The following RNF216 variants were observed in gnomAD, a reference collection of about 807,000 sequenced individuals.
The protein encoded by RNF216 is ring finger protein 216.
RNF216 carries 72 observed loss-of-function variants against 110.8 expected under a neutral mutation model. The observed-to-expected ratio is 0.65, with a 90% CI of 0.54 to 0.79. The LOEUF (loss-of-function observed/expected upper bound fraction) is 0.79. Ranked by LOEUF, RNF216 falls within the 30% of genes least tolerant of loss-of-function variation. The pLI is 0.00. For synonymous variants in RNF216, 495 were observed against 407.5 expected, an observed-to-expected ratio of 1.21 and a Z score of -2.59; for missense variants, 1,342 against 1,141.2, an observed-to-expected ratio of 1.18 and a Z score of -2.54.
chr7:5,636,684 T>C (rs1404050200), intron 15 of RNF216, among the ~76,000 whole-genome samples: 1 of 152,186 alleles, frequency 6.6e-6, no homozygotes, highest in Non-Finnish European at 1.5e-5. Flanking sequence ...ACGGGGCTGA[T>C]CGCTGTTTTG....
At chr7:5,720,442 G>A (rs1406149459) in intron 9 of RNF216, among the ~76,000 whole-genome samples, 1 of 151,988 alleles carries the variant, frequency 6.6e-6, no homozygotes, top group Non-Finnish European at 1.5e-5. Context: ...CATACCAAAC[G>A]TGCTCATCGA....
intron 7 of RNF216, among the ~76,000 whole-genome samples, chr7:5,726,328 T>C (rs752909): frequency 1.5e-4 from 23 of 152,148 alleles, no homozygotes; most frequent in East Asian, 3.8e-4. Context: ...TAAAATCACA[T>C]GACAATGGGC....
intron 13 of RNF216, among the ~76,000 whole-genome samples, chr7:5,706,656 T>C (rs1021069581): frequency 6.6e-6 from 1 of 152,264 alleles, no homozygotes; most frequent in Admixed American, 6.5e-5. Context: ...TTGTGGCTAC[T>C]GTGAATAATG....
At chr7:5,749,177 G>A (rs987912643) in intron 3 of RNF216, among the ~76,000 whole-genome samples, 1 of 143,766 alleles carries the variant, frequency 7.0e-6, no homozygotes, top group Non-Finnish European at 1.5e-5. Context: ...TTGAGACAGG[G>A]TCTCCCTCTG....
intron 3 of RNF216, among the ~76,000 whole-genome samples, chr7:5,747,038 G>A (rs959525844): frequency 6.6e-5 from 10 of 152,200 alleles, no homozygotes; most frequent in African/African-American, 2.2e-4. Context: ...ATAAACTAAT[G>A]TAACTCCTAC....
Position 5,661,789 on chromosome 7 carries a change from T to C in RNF216, c.2062-9279A>G, listed in dbSNP as rs150718222. On this transcript the variant is annotated intron_variant, in intron 13 of 16. Coordinates refer to ENST00000389902, the MANE Select transcript of RNF216 (RefSeq NM_207111.4). ...CTACACTCCAGCCTGGGCGAGACAATGAGACTCTGCTCAAACAAAAACAAA... is the reference window on the plus strand; with the variant it reads ...CTACACTCCAGCCTGGGCGAGACAACGAGACTCTGCTCAAACAAAAACAAA... 3.9e-5 allele frequency among the ~76,000 whole-genome samples: 6 copies of C among 152,122 alleles called. No homozygotes were observed. The East Asian group carries it at 1.2e-3, about 29-fold the overall frequency.
intron 1 of RNF216, among the ~76,000 whole-genome samples, chr7:5,779,656 TAA>T (rs34915284): frequency 0.16 from 18,360 of 112,588 alleles, 1,660 homozygotes; most frequent in African/African-American, 0.27. Flanking sequence ...CTCCGTCTCT[TAA>T]AAAAAAAAAA....
rs1269871690 is a variant in RNF216, at chr7:5,683,010, C to T, written c.2061+28751G>A. On this transcript the variant is annotated intron_variant, in intron 13 of 16. Transcript: ENST00000389902. ...GTGATGGAATGACAACCTCCCATGA[C>T]GGGGTCACAAACTCCTTAAGAATGC... Among the ~76,000 whole-genome samples the T allele has an allele frequency of 2.6e-5, 4 of 152,100 alleles. No homozygotes were observed. The East Asian group carries it at 5.8e-4, about 22-fold the overall frequency.
intron 13 of RNF216, among the ~76,000 whole-genome samples, chr7:5,679,632 G>A (rs1417179258): frequency 6.6e-6 from 1 of 152,186 alleles, no homozygotes; most frequent in East Asian, 1.9e-4. Flanking sequence ...TATGACAACA[G>A]ACACAAAATC....
At chr7:5,659,860 T>G (rs1353995256) in intron 13 of RNF216, among the ~76,000 whole-genome samples, 1 of 152,194 alleles carries the variant, frequency 6.6e-6, no homozygotes, top group Non-Finnish European at 1.5e-5. Flanking sequence ...CCTGTACTTT[T>G]TTTGTTAAGA....
intron 13 of RNF216, among the ~76,000 whole-genome samples, chr7:5,697,839 G>C (rs1791723612): frequency 6.6e-6 from 1 of 152,196 alleles, no homozygotes; most frequent in African/African-American, 2.4e-5. Flanking sequence ...AGGCAAGAAG[G>C]CCTTGAAGCT....
rs746652973 is a variant in RNF216 at position 5,741,400 on chromosome 7, G to A, written c.617C>T (p.Thr206Ile). ...CTCTCCTAGATTTGATAACAGCTCT[G>A]TCTCTGAGTCTTCGGATGACTGGTT... ...TQNQSSEDSE[T>I]ELLSNLGESA... The change falls in exon 4 of 17, where the codon ACA becomes ATA. Residue 206 changes from threonine (T) to isoleucine (I), a missense_variant. Thr to Ile is a moderately conservative substitution (Grantham distance 89). Transcript: ENST00000389902. The A allele has an allele frequency of 6.2e-7, 1 of 1,614,206 alleles. No homozygotes were observed.
intron 2 of RNF216, among the ~76,000 whole-genome samples, chr7:5,755,978 A>C (rs991536970): frequency 1.1e-4 from 5 of 44,162 alleles, no homozygotes; most frequent in South Asian, 9.6e-4. Flanking sequence ...CTGTCTATAG[A>C]TTGATATGGT....
intron 15 of RNF216, among the ~76,000 whole-genome samples, chr7:5,640,162 T>C (rs868724853): frequency 6.6e-6 from 1 of 151,902 alleles, no homozygotes; most frequent in African/African-American, 2.4e-5. Flanking sequence ...CCTTCAAAAG[T>C]GCTGGCATCA....
At position 5,684,969 on chromosome 7, in the gene RNF216, G is replaced by A. The variant is rs3801007; in HGVS notation, c.2061+26792C>T. 1.9e-4 allele frequency among the ~76,000 whole-genome samples: 29 copies of A among 152,230 alleles called. No individual in the cohort carries two copies. The East Asian group carries it at 5.0e-3, about 26-fold the overall frequency. Reference sequence around the variant, plus strand: ...ACCCCACAGGCTTCAGGATGTGCAGGGGGTATCAGATTTGAGCAGTCTTTA... The same window carrying A: ...ACCCCACAGGCTTCAGGATGTGCAGAGGGTATCAGATTTGAGCAGTCTTTA... On this transcript the variant is annotated intron_variant, in intron 13 of 16. Transcript: ENST00000389902.
chr7:5,632,790 C>G (rs573785575), intron 15 of RNF216, among the ~76,000 whole-genome samples: 1 of 152,096 alleles, frequency 6.6e-6, no homozygotes, highest in East Asian at 1.9e-4. Context: ...AAAAACAAAA[C>G]GAAGCCCTCC....
At position 5,620,647 on chromosome 7, in the gene RNF216, C is replaced by T. The variant is rs1786296543; in HGVS notation, c.*2213G>A. ...CCCCACCAGCCCAGTGTGGCCAGAA[C>T]AGCTGGAACTCCTCTCAAATGACCC... is the stretch of plus-strand genomic sequence containing the variant. On this transcript the variant is annotated 3_prime_UTR_variant, in exon 17 of 17. Coordinates refer to ENST00000389902, the MANE Select transcript of RNF216 (RefSeq NM_207111.4). 6.6e-6 allele frequency: 1 copy of T among 152,288 alleles called. No individual in the cohort carries two copies. Among genetic ancestry groups the T allele is most frequent in the African/African-American group, 2.4e-5 (1 of 41,462 alleles). The allele number at this position is 152,288 out of a possible 1,614,324, so 9.4% of individuals were successfully genotyped here.
chr7:5,771,015 C>G (rs1478633422), intron 1 of RNF216, among the ~76,000 whole-genome samples: 1 of 152,126 alleles, frequency 6.6e-6, no homozygotes. Context: ...ACCATGTTGG[C>G]CAGGCTGGTC....
chr7:5,671,749 G>C (rs1377689704), intron 13 of RNF216, among the ~76,000 whole-genome samples: 2 of 140,682 alleles, frequency 1.4e-5, no homozygotes, highest in Admixed American at 1.5e-4. Flanking sequence ...AGGTTGCAGT[G>C]AGCCGAGATT....
Sources: gnomAD v4.1 joint callset for allele counts (sites outside exome capture counted in the v4.1 genomes callset) on GRCh38, gnomAD v4.1.1 for gene constraint, MANE v1.5 for transcripts, NCBI Gene and HGNC (gene_info 2026-07-23, HGNC 2026-07-21) for gene names.